The following PRKCZ variants were observed in gnomAD, a reference collection of about 807,000 sequenced individuals.
PRKCZ encodes the protein protein kinase C zeta.
In PRKCZ, 33 loss-of-function variants were observed where a neutral mutation model predicts 79.5. The ratio of observed to expected loss-of-function variants is 0.41; its 90% CI spans 0.31 to 0.55. PRKCZ has a LOEUF of 0.55. Ranked by LOEUF, PRKCZ falls within the 20% of genes least tolerant of loss-of-function variation. The pLI is 0.19. For missense variants in PRKCZ, 578 were observed against 813.5 expected (o/e 0.71, Z 3.52); for synonymous variants, 342 against 320.9 (o/e 1.07, Z -0.70).
intron 10 of PRKCZ, chr1:2,169,043 C>T (rs1300853872): frequency 2.4e-6 from 1 of 415,292 alleles, no homozygotes; most frequent in South Asian, 1.7e-5. Flanking sequence ...AGCTTGTTCC[C>T]TTGGAGGGCC....
At chr1:2,121,777 C>CGT (rs1672117787) in intron 4 of PRKCZ, among the ~76,000 whole-genome samples, 1 of 3,894 alleles carries the variant, frequency 2.6e-4, no homozygotes, top group Non-Finnish European at 4.9e-4. Flanking sequence ...GTTAGGGTCA[C>CGT]GGTGGTGGTT....
At chr1:2,119,935 C>T (rs534331623) in intron 4 of PRKCZ, among the ~76,000 whole-genome samples, 1 of 151,750 alleles carries the variant, frequency 6.6e-6, no homozygotes, top group Non-Finnish European at 1.5e-5. Context: ...TGCAGGTGTG[C>T]GCCACCACGC....
intron 4 of PRKCZ, among the ~76,000 whole-genome samples, chr1:2,067,097 T>G (rs961074291): frequency 2.0e-5 from 3 of 152,258 alleles, no homozygotes; most frequent in African/African-American, 7.2e-5. Context: ...TTCTGTTAAC[T>G]GATTTCTAAG....
chr1:2,155,122 A>ATGATGGTGACG (rs1557695546), intron 9 of PRKCZ, among the ~76,000 whole-genome samples: 58 of 152,070 alleles, frequency 3.8e-4, no homozygotes, highest in African/African-American at 1.3e-3. Flanking sequence ...TGATGGTGAC[A>ATGATGGTGACG]ATGATGGTGA....
intron 4 of PRKCZ, among the ~76,000 whole-genome samples, chr1:2,115,743 TAGAA>T (rs1398532164): frequency 7.2e-5 from 11 of 152,238 alleles, no homozygotes; most frequent in African/African-American, 2.6e-4. Flanking sequence ...ACCCGTTTAT[TAGAA>T]AGGACAGCCA....
chr1:2,157,593 T>G (rs985615262), intron 10 of PRKCZ, among the ~76,000 whole-genome samples: 4 of 151,848 alleles, frequency 2.6e-5, no homozygotes, highest in African/African-American at 9.7e-5. Flanking sequence ...AATTTTTGTA[T>G]TTTTAGTACT....
intron 4 of PRKCZ, among the ~76,000 whole-genome samples, chr1:2,066,307 C>G (rs1448587076): frequency 2.6e-5 from 4 of 152,152 alleles, no homozygotes; most frequent in African/African-American, 9.7e-5. Context: ...TAGAATTTGC[C>G]TGTGAAGACA....
At position 2,108,952 on chromosome 1, in the gene PRKCZ, G is replaced by A. The variant is rs188641130; in HGVS notation, c.335-26310G>A. 2.9e-3 allele frequency among the ~76,000 whole-genome samples: 443 copies of A among 152,260 alleles called. 1 individual carries two copies. Among genetic ancestry groups the A allele is most frequent in the African/African-American group, 9.9e-3 (412 of 41,562 alleles). On this transcript the variant is annotated intron_variant, in intron 4 of 17. Transcript: ENST00000378567. ...GACCCCGTTTCCCGCCTTCTCCGGC[G>A]TCTGAAGCCGCCTGCCCCTTGGTGC...
intron 4 of PRKCZ, among the ~76,000 whole-genome samples, chr1:2,089,042 C>T (rs1381165028): frequency 6.6e-6 from 1 of 152,212 alleles, no homozygotes; most frequent in Non-Finnish European, 1.5e-5. Flanking sequence ...GTTAGAATCC[C>T]TCCCTGTCAT....
At chr1:2,055,323 A>ATT (rs1660065432) in intron 1 of PRKCZ, 118 bp from the exon 2 acceptor site, 1 of 1,291,376 alleles carries the variant, frequency 7.7e-7, no homozygotes, top group Non-Finnish European at 1.0e-6. Flanking sequence ...GGGCTGTCAT[A>ATT]TTGTCTTTGG....
At chr1:2,159,924 C>T (rs954877441) in intron 10 of PRKCZ, among the ~76,000 whole-genome samples, 6 of 152,312 alleles carry the variant, frequency 3.9e-5, no homozygotes, top group South Asian at 4.1e-4. Context: ...CTACTTTCAG[C>T]GTCCCCCGCC....
At chr1:2,056,206 C>T (rs1660142982) in intron 2 of PRKCZ, among the ~76,000 whole-genome samples, 1 of 152,228 alleles carries the variant, frequency 6.6e-6, no homozygotes, top group Non-Finnish European at 1.5e-5. Context: ...GGAGAGTGTC[C>T]TCAGCCCCGC....
chr1:2,159,438 A>C (rs983611602), intron 10 of PRKCZ, among the ~76,000 whole-genome samples: 1 of 152,248 alleles, frequency 6.6e-6, no homozygotes. Context: ...GGCCAGGTGA[A>C]TAACACGCAG....
rs1571894542 is a variant in PRKCZ, at chr1:2,158,035, C to T, written c.974+1943C>T. ...CTCCTCCGCTGCACTCTTGGCTCTC[C>T]TGACCGCAGGGTCCTGCTCTTGCCT... is the stretch of plus-strand genomic sequence containing the variant. On this transcript the variant is annotated intron_variant, in intron 10 of 17. Transcript: ENST00000378567. 2.0e-5 allele frequency among the ~76,000 whole-genome samples: 3 copies of T among 152,308 alleles called. No homozygotes were observed. In the East Asian group the frequency reaches 5.8e-4, roughly 29 times the overall value.
intron 4 of PRKCZ, among the ~76,000 whole-genome samples, chr1:2,091,728 T>C (rs1049619667): frequency 6.6e-6 from 1 of 152,128 alleles, no homozygotes; most frequent in Non-Finnish European, 1.5e-5. Flanking sequence ...CGTTGTCCTG[T>C]GGGGTGGTTG....
At chr1:2,109,071 G>A (rs1444979745) in intron 4 of PRKCZ, among the ~76,000 whole-genome samples, 1 of 152,120 alleles carries the variant, frequency 6.6e-6, no homozygotes, top group African/African-American at 2.4e-5. Context: ...CCGCAATGAC[G>A]TGGGCCCACC....
intron 4 of PRKCZ, among the ~76,000 whole-genome samples, chr1:2,100,668 G>A (rs570507561): frequency 7.2e-5 from 11 of 152,288 alleles, no homozygotes; most frequent in Admixed American, 4.6e-4. Context: ...GAACAGGCAC[G>A]GCTGGTGGTG....
chr1:2,071,937 G>A (rs1557493333), intron 4 of PRKCZ, among the ~76,000 whole-genome samples: 2 of 152,228 alleles, frequency 1.3e-5, no homozygotes, highest in Non-Finnish European at 2.9e-5. Flanking sequence ...GAAACTTTAT[G>A]CACGCTGAAA....
At chr1:2,057,546 C>T (rs1571090862) in intron 3 of PRKCZ, among the ~76,000 whole-genome samples, 3 of 152,272 alleles carry the variant, frequency 2.0e-5, no homozygotes, top group East Asian at 3.9e-4. Context: ...TAATTTTCTT[C>T]GCCCTTTATA....
Sources: allele counts gnomAD v4.1 joint callset (sites outside exome capture counted in the v4.1 genomes callset), GRCh38; gene constraint gnomAD v4.1.1; transcripts MANE v1.5; gene names NCBI Gene and HGNC (gene_info 2026-07-23, HGNC 2026-07-21).